PCLO: variants seen among roughly 807,000 people sequenced by gnomAD.
PCLO encodes the protein piccolo presynaptic cytomatrix protein.
In PCLO, 82 loss-of-function variants were observed where a neutral mutation model predicts 427.5. The ratio of observed to expected loss-of-function variants is 0.19; its 90% CI spans 0.16 to 0.23. PCLO has a LOEUF of 0.23. PCLO is among the 10% of genes least tolerant of loss of function. The pLI, the probability that PCLO is intolerant of heterozygous loss-of-function variation, is 1.00. For synonymous variants in PCLO, 2,357 were observed against 2,155.4 expected (o/e 1.09, Z -2.59); for missense variants, 6,239 against 6,115.9 (o/e 1.02, Z -0.67).
intron 6 of PCLO, among the ~76,000 whole-genome samples, chr7:82,946,429 T>C (rs1795205537): frequency 6.6e-6 from 1 of 152,170 alleles, no homozygotes; most frequent in South Asian, 2.1e-4. Flanking sequence ...ATACACAATA[T>C]AATGTATTTA....
intron 3 of PCLO, among the ~76,000 whole-genome samples, chr7:83,092,345 T>C (rs77687436): frequency 1.3e-5 from 2 of 152,164 alleles, no homozygotes; most frequent in Admixed American, 6.5e-5. Flanking sequence ...CCCTTATTCA[T>C]ATATAGCCCA....
chr7:82,817,232 CT>C (rs776104643), intron 20 of PCLO, among the ~76,000 whole-genome samples: 2 of 152,086 alleles, frequency 1.3e-5, no homozygotes, highest in African/African-American at 4.8e-5. Context: ...TTATTTTAAA[CT>C]GCTCAAGGTT....
At chr7:82,920,975 T>C (rs1794581532) in intron 6 of PCLO, among the ~76,000 whole-genome samples, 1 of 151,830 alleles carries the variant, frequency 6.6e-6, no homozygotes, top group African/African-American at 2.4e-5. Context: ...ATTCAATTTA[T>C]TGATGTATTC....
In PCLO at chr7:83,054,558, A is replaced by G. The variant is rs535393679; in HGVS notation, c.3300+79692T>C. The stretch of plus-strand genomic sequence containing the variant: ...AAACTAAAATTATAAAGATATTAAT[A>G]TTATGGTATGAATCAAAAAATCAAT... On this transcript the variant is annotated intron_variant, in intron 3 of 24. Transcript: ENST00000333891. 2.5e-3 allele frequency among the ~76,000 whole-genome samples: 380 copies of G among 152,182 alleles called. 1 individual carries two copies. The highest frequency in any genetic ancestry group is 4.5e-3 in the Non-Finnish European group (307 of 67,916).
intron 3 of PCLO, among the ~76,000 whole-genome samples, chr7:83,099,357 A>G (rs945749319): frequency 6.7e-6 from 1 of 149,610 alleles, no homozygotes; most frequent in Non-Finnish European, 1.5e-5. Context: ...GAAACAAATA[A>G]ACAAATATGT....
At chr7:82,864,680 T>A (rs1793048975) in intron 10 of PCLO, among the ~76,000 whole-genome samples, 1 of 152,180 alleles carries the variant, frequency 6.6e-6, no homozygotes, top group Admixed American at 6.5e-5. Flanking sequence ...CCTCAAAACG[T>A]TATACTTTAA....
chr7:82,950,324 G>C lies in PCLO; in HGVS notation c.10264C>G (p.Gln3422Glu). The C allele has an allele frequency of 1.9e-6, 3 of 1,613,334 alleles. No homozygotes were observed. The highest frequency in any genetic ancestry group is 2.5e-6 in the Non-Finnish European group (3 of 1,179,788). The part of the protein sequence containing the change: ...KRSSGAKVRG[Q>E]YDDMGENMTD... ...ATATTTTCTCCCATGTCATCATACT[G>C]TCCTCGGACTTTAGCTCCAGAACTT... Residue 3422 changes from glutamine to glutamate, a missense_variant, in exon 6 of 25, where the codon CAG (glutamine) becomes GAG (glutamate). By Grantham distance (29) the Gln-to-Glu change is conservative. Around this residue, in one of 5 missense-constraint regions of PCLO, gnomAD observed 4,677 missense variants for 4,468.4 expected, o/e 1.05. Transcript: ENST00000333891.
intron 3 of PCLO, among the ~76,000 whole-genome samples, chr7:83,107,859 C>T (rs1370936447): frequency 1.3e-5 from 2 of 150,860 alleles, no homozygotes; most frequent in South Asian, 2.1e-4. Context: ...CATGGTGGTG[C>T]ACACCTGTAG....
At chr7:83,013,433 C>T (rs899866651) in intron 3 of PCLO, among the ~76,000 whole-genome samples, 12 of 152,050 alleles carry the variant, frequency 7.9e-5, no homozygotes, top group African/African-American at 2.9e-4. Flanking sequence ...GTGATAATGC[C>T]GTTTTCTTCA....
chr7:82,845,253 C>G lies in PCLO; in HGVS notation c.14046+18G>C, dbSNP rs1463591333. 2.5e-6 allele frequency: 4 copies of G among 1,582,728 alleles called. No homozygotes were observed. The highest frequency in any genetic ancestry group is 3.5e-6 in the Non-Finnish European group (4 of 1,152,326). On this transcript the variant is annotated intron_variant, in intron 13 of 24. Transcript: ENST00000333891. Reference sequence around the variant, plus strand: ...GCTAGAAAACAAGTGGGTCAGAGGTCACATCAACAATCCTCACCTTGCTGC... The same window carrying G: ...GCTAGAAAACAAGTGGGTCAGAGGTGACATCAACAATCCTCACCTTGCTGC...
intron 3 of PCLO, among the ~76,000 whole-genome samples, chr7:83,109,816 T>C (rs1371708703): frequency 6.6e-6 from 1 of 152,092 alleles, no homozygotes; most frequent in Non-Finnish European, 1.5e-5. Flanking sequence ...CAAAAACATT[T>C]TATTTAATAT....
intron 16 of PCLO, among the ~76,000 whole-genome samples, chr7:82,829,949 G>C (rs940296792): frequency 1.3e-5 from 2 of 151,678 alleles, no homozygotes; most frequent in Non-Finnish European, 2.9e-5. Context: ...CTTGAAAAAA[G>C]TTTTGATCAA....
In PCLO at chr7:82,956,588, T is replaced by A. The variant is rs562240448; in HGVS notation, c.4365A>T (p.Leu1455Phe). 1 of 1,613,324 alleles carries A rather than the reference T, an allele frequency of 6.2e-7. No homozygotes were observed. Among genetic ancestry groups the A allele is most frequent in the African/African-American group, 1.3e-5 (1 of 74,968 alleles). The change falls in exon 5 of 25, where the codon TTA becomes TTT. Residue 1455 changes from leucine to phenylalanine, a missense_variant. Physicochemically the swap from Leu to Phe is conservative, Grantham distance 22. Coordinates refer to ENST00000333891, the MANE Select transcript of PCLO (RefSeq NM_033026.6). ...AAATAGTAATTTCCAAGGTTTCAGA[T>A]AAACTCTGAGTTTTCTCTTGGTCTT... is the stretch of plus-strand genomic sequence containing the variant. ...QPKDQEKTQS[L>F]SETLEITISE...
chr7:82,911,438 G>T (rs1794317928), intron 7 of PCLO, among the ~76,000 whole-genome samples: 1 of 150,134 alleles, frequency 6.7e-6, no homozygotes, highest in Non-Finnish European at 1.5e-5. Flanking sequence ...GAGACTAACA[G>T]TATTTTTTTT....
At chr7:82,888,576 G>T (rs1164533405) in intron 9 of PCLO, among the ~76,000 whole-genome samples, 1 of 151,870 alleles carries the variant, frequency 6.6e-6, no homozygotes. Context: ...GCTTCCTTCA[G>T]AATTCAACTT....
rs1185911877 is a variant in PCLO, at chr7:82,794,473, T to G, written c.15007+7045A>C. 6.2e-3 allele frequency among the ~76,000 whole-genome samples: 628 copies of G among 101,844 alleles called. 23 individuals carry two copies. The highest frequency in any genetic ancestry group is 0.025 in the African/African-American group (603 of 24,378). 66.8% of individuals were successfully genotyped at this position (101,844 alleles called of 152,430 possible). A position where few individuals can be genotyped will look rare whatever the true frequency, so the allele number is the denominator to read the frequency against. On this transcript the variant is annotated intron_variant, in intron 22 of 24. Transcript: ENST00000333891. ...AAATTTTTTTTCTTTTTTTTTTTTT[T>G]TTTTTTTTTTTTTTTTGAGACACAG...
intron 3 of PCLO, among the ~76,000 whole-genome samples, chr7:83,090,511 A>G (rs968776583): frequency 6.6e-6 from 1 of 152,148 alleles, no homozygotes; most frequent in Non-Finnish European, 1.5e-5. Context: ...GGAGTCCTAA[A>G]TAATCTGACT....
At chr7:82,873,724 A>G (rs1167949824) in intron 10 of PCLO, among the ~76,000 whole-genome samples, 1 of 152,068 alleles carries the variant, frequency 6.6e-6, no homozygotes, top group Non-Finnish European at 1.5e-5. Flanking sequence ...AATAAAGACA[A>G]TATTTTGGAT....
At chr7:83,038,782 T>C (rs1788897448) in intron 3 of PCLO, among the ~76,000 whole-genome samples, 1 of 152,072 alleles carries the variant, frequency 6.6e-6, no homozygotes, top group Non-Finnish European at 1.5e-5. Flanking sequence ...ACTCTACGTT[T>C]AGTCATTTGA....
Sources: gnomAD v4.1 joint callset for allele counts (sites outside exome capture counted in the v4.1 genomes callset) on GRCh38, gnomAD v4.1.1 for gene constraint, gnomAD v4.1.1 regional missense constraint, MANE v1.5 for transcripts, NCBI Gene and HGNC (gene_info 2026-07-23, HGNC 2026-07-21) for gene names.